Variants in PLA2G4A observed in about 807,000 individuals in gnomAD.
PLA2G4A encodes phospholipase A2 group IVA.
A neutral mutation model predicts 81.9 loss-of-function variants in PLA2G4A; 40 were observed. That is an observed-to-expected ratio of 0.49 (90% CI 0.38 to 0.64). PLA2G4A has a LOEUF of 0.64. Among genes scored for constraint, PLA2G4A ranks in the 30% least tolerant of loss-of-function variants. PLA2G4A has a pLI of 0.00. For missense variants in PLA2G4A, 715 were observed against 905.1 expected (o/e 0.79, Z 2.69); for synonymous variants, 302 against 296.9 (o/e 1.02, Z -0.18).
chr1:186,984,943 G>A (rs1159801214), intron 17 of PLA2G4A, among the ~76,000 whole-genome samples: 1 of 152,182 alleles, frequency 6.6e-6, no homozygotes, highest in African/African-American at 2.4e-5. Flanking sequence ...ATGGAGTCAT[G>A]GATTACTTAG....
At chr1:186,980,458 T>A (rs1657684800) in intron 17 of PLA2G4A, among the ~76,000 whole-genome samples, 1 of 152,210 alleles carries the variant, frequency 6.6e-6, no homozygotes, top group Non-Finnish European at 1.5e-5. Flanking sequence ...CAAATGATTA[T>A]CAGTTGTAAA....
intron 2 of PLA2G4A, among the ~76,000 whole-genome samples, chr1:186,858,127 T>C (rs769485108): frequency 2.6e-5 from 4 of 152,170 alleles, no homozygotes; most frequent in African/African-American, 4.8e-5. Flanking sequence ...TACTCAGTAA[T>C]GGGATTGCTG....
intron 5 of PLA2G4A, among the ~76,000 whole-genome samples, chr1:186,901,193 A>G (rs982090102): frequency 6.6e-6 from 1 of 152,172 alleles, no homozygotes; most frequent in African/African-American, 2.4e-5. Context: ...AGATGTTAAA[A>G]CTGTTAGATA....
chr1:186,830,396 G>A (rs1206998109), intron 1 of PLA2G4A, among the ~76,000 whole-genome samples: 1 of 151,654 alleles, frequency 6.6e-6, no homozygotes, highest in Non-Finnish European at 1.5e-5. Context: ...TCACTTGAGG[G>A]CAGGAGTTCG....
At chr1:186,832,245 GT>G (rs1228785861) in intron 1 of PLA2G4A, among the ~76,000 whole-genome samples, 1 of 151,610 alleles carries the variant, frequency 6.6e-6, no homozygotes, top group African/African-American at 2.4e-5. Context: ...ATATATGTTA[GT>G]ATACATTTTT....
At chr1:186,894,018 A>T (rs1654244201) in intron 4 of PLA2G4A, 80 bp from the exon 5 acceptor site, 4 of 743,306 alleles carry the variant, frequency 5.4e-6, no homozygotes, top group Non-Finnish European at 1.0e-5. Flanking sequence ...TCATTTTTTT[A>T]AATGTGGTGG....
intron 2 of PLA2G4A, among the ~76,000 whole-genome samples, chr1:186,868,795 G>A (rs984853112): frequency 6.6e-6 from 1 of 151,972 alleles, no homozygotes; most frequent in African/African-American, 2.4e-5. Context: ...TTTCATCTAG[G>A]TTATCAAATT....
chr1:186,917,315 ACT>A (rs1342952960), intron 7 of PLA2G4A, among the ~76,000 whole-genome samples: 2 of 151,958 alleles, frequency 1.3e-5, no homozygotes, highest in African/African-American at 4.8e-5. Flanking sequence ...AATTCACCTA[ACT>A]CTTGGGAAGT....
chr1:186,932,801 C>A lies in PLA2G4A; in HGVS notation c.597C>A (p.Phe199Leu). 6.2e-7 allele frequency: 1 copy of A among 1,613,542 alleles called. No individual in the cohort carries two copies. The highest frequency in any genetic ancestry group is 8.5e-7 in the Non-Finnish European group (1 of 1,179,552). The change falls in exon 8 of 18, where the codon TTC becomes TTA. Residue 199 changes from phenylalanine to leucine, a missense_variant. Physicochemically the swap from Phe to Leu is conservative, Grantham distance 22. Coordinates refer to ENST00000367466, the MANE Select transcript of PLA2G4A (RefSeq NM_024420.3). ...VVAILGSGGG[F>L]RAMVGFSGVM... ...CCATATTGGGTTCAGGTGGGGGTTT[C>A]CGAGCCATGGTGGGATTCTCTGGTG...
intron 1 of PLA2G4A, among the ~76,000 whole-genome samples, chr1:186,853,164 A>G (rs1652434508): frequency 6.6e-6 from 1 of 151,926 alleles, no homozygotes; most frequent in Admixed American, 6.6e-5. Context: ...GGTGATTTTT[A>G]CCATTCATAT....
rs1440183257 is a variant in PLA2G4A, at chr1:186,881,162, T to C, written c.115+10646T>C. ...CTGATGGCACTTTCTGATAGTGTCA[T>C]GCTGCCTTACACTCCCTTACAAAAG... On this transcript the variant is annotated intron_variant, in intron 3 of 17. Transcript: ENST00000367466. 2.6e-5 allele frequency among the ~76,000 whole-genome samples: 4 copies of C among 152,070 alleles called. No individual in the cohort carries two copies. The East Asian group carries it at 7.7e-4, about 29-fold the overall frequency.
Position 186,988,641 on chromosome 1 carries a change from C to A in PLA2G4A, c.*133C>A. The A allele has an allele frequency of 6.6e-6, 5 of 759,050 alleles. No homozygotes were observed. Among genetic ancestry groups the A allele is most frequent in the Non-Finnish European group, 1.2e-5 (5 of 426,940 alleles). The allele number at this position is 759,050 out of a possible 1,614,324, so 47.0% of individuals were successfully genotyped here. On this transcript the variant is annotated 3_prime_UTR_variant, in exon 18 of 18. Coordinates refer to ENST00000367466, the MANE Select transcript of PLA2G4A (RefSeq NM_024420.3). ...TGGCTGATACTCAAAGTTGCAGTTACTTAGCTGCATGAGAATAATACTATT... is the reference window on the plus strand; with the variant it reads ...TGGCTGATACTCAAAGTTGCAGTTAATTAGCTGCATGAGAATAATACTATT...
At chr1:186,892,515 A>C (rs1013838358) in intron 3 of PLA2G4A, among the ~76,000 whole-genome samples, 15 of 152,318 alleles carry the variant, frequency 9.8e-5, no homozygotes, top group African/African-American at 3.6e-4. Flanking sequence ...CTGCATATGG[A>C]GATCCAGTTT....
chr1:186,935,046 A>C (rs1260804931), intron 8 of PLA2G4A, among the ~76,000 whole-genome samples: 1 of 152,004 alleles, frequency 6.6e-6, no homozygotes, highest in African/African-American at 2.4e-5. Flanking sequence ...AAAGAAAATA[A>C]AACCCTAATG....
chr1:186,937,637 G>A (rs1409843008), intron 8 of PLA2G4A, among the ~76,000 whole-genome samples: 1 of 150,284 alleles, frequency 6.7e-6, no homozygotes, highest in Non-Finnish European at 1.5e-5. Flanking sequence ...TTCTCAGCTT[G>A]TCTCCAAGGA....
chr1:186,863,862 G>A (rs892430927), intron 2 of PLA2G4A, among the ~76,000 whole-genome samples: 23 of 151,650 alleles, frequency 1.5e-4, no homozygotes, highest in Non-Finnish European at 1.5e-4. Flanking sequence ...CCGGGTTCAA[G>A]CCATTATCCT....
chr1:186,838,003 T>C (rs1164454329), intron 1 of PLA2G4A, among the ~76,000 whole-genome samples: 3 of 152,082 alleles, frequency 2.0e-5, no homozygotes, highest in Admixed American at 2.0e-4. Flanking sequence ...TCTGGTGCTT[T>C]CTGCTTTCTC....
intron 14 of PLA2G4A, among the ~76,000 whole-genome samples, chr1:186,959,093 ATCT>A (rs1656855336): frequency 6.6e-6 from 1 of 152,062 alleles, no homozygotes; most frequent in African/African-American, 2.4e-5. Flanking sequence ...AGGAATTTTC[ATCT>A]TCTTTCTGTC....
chr1:186,956,445 A>G, intron 14 of PLA2G4A, 101 bp downstream of exon 14: 2 of 1,079,430 alleles, frequency 1.9e-6, no homozygotes, highest in Non-Finnish European at 2.9e-6. Flanking sequence ...CTCATTTATT[A>G]TCAGTTATTA....
Sources: allele counts gnomAD v4.1 joint callset (sites outside exome capture counted in the v4.1 genomes callset), GRCh38; gene constraint gnomAD v4.1.1; transcripts MANE v1.5; gene names NCBI Gene and HGNC (gene_info 2026-07-23, HGNC 2026-07-21).